The following GGA2 variants were observed in gnomAD, a reference collection of about 807,000 sequenced individuals.
GGA2 encodes the protein ADP-ribosylation factor-binding protein GGA2.
A neutral mutation model predicts 79.5 loss-of-function variants in GGA2; 48 were observed. The observed-to-expected ratio is 0.60, with a 90% CI of 0.48 to 0.77. GGA2 has a LOEUF of 0.77. Ranked by LOEUF, GGA2 falls within the 30% of genes least tolerant of loss-of-function variation. The pLI, the probability that GGA2 is intolerant of heterozygous loss-of-function variation, is 0.00. For synonymous variants in GGA2, 317 were observed against 302.0 expected (o/e 1.05, Z -0.51); for missense variants, 770 against 774.0 (o/e 0.99, Z 0.06).
intron 3 of GGA2, chr16:23,493,744 A>T (rs529848727): frequency 2.6e-6 from 1 of 377,972 alleles, no homozygotes; most frequent in Non-Finnish European, 4.9e-6. Flanking sequence ...CTTTGAGAGG[A>T]GAAAGTGGCT....
upstream of GGA2, among the ~76,000 whole-genome samples, chr16:23,513,349 C>T (rs1240576033): frequency 6.6e-6 from 1 of 152,194 alleles, no homozygotes; most frequent in Non-Finnish European, 1.5e-5. Flanking sequence ...CGTCTTTCTT[C>T]TCCCAAGGCA....
chr16:23,494,137 G>C (rs1964824543), intron 3 of GGA2, 166 bp downstream of exon 3: 2 of 620,294 alleles, frequency 3.2e-6, no homozygotes, highest in Non-Finnish European at 5.8e-6. Context: ...AGGAAGAAGG[G>C]TGGGGACCCT....
Position 23,491,744 on chromosome 16 carries a change from GAA to G in GGA2, c.406_407del (p.Phe136GlnfsTer30). On this transcript the variant is annotated frameshift_variant, in exon 5 of 17. Transcript: ENST00000309859. LOFTEE classifies it high-confidence loss of function. Reference protein sequence around the residue: ...KVKGRVIEILFSWTVWFPEDI... With the variant: ...KVKGRVIEILXSWTVWFPEDI... The stretch of plus-strand genomic sequence containing the variant: ...CTTCCGGAAACCAGACTGTCCAACT[GAA>G]GAGTATTTCAATGACTCTTCCTTTA... 2 of 1,611,180 alleles carry G rather than the reference GAA, an allele frequency of 1.2e-6. No homozygotes were observed. Among genetic ancestry groups the G allele is most frequent in the Non-Finnish European group, 1.7e-6 (2 of 1,177,340 alleles).
chr16:23,485,140 A>G (rs970627286), intron 8 of GGA2, among the ~76,000 whole-genome samples: 3 of 152,216 alleles, frequency 2.0e-5, no homozygotes, highest in Non-Finnish European at 4.4e-5. Context: ...ACGAAAGCCC[A>G]CGTATTGTGC....
chr16:23,522,940 T>C (rs1965163691), upstream of GGA2: 1 of 152,172 alleles, frequency 6.6e-6, no homozygotes, highest in Admixed American at 6.6e-5. Context: ...TCCCTTGTCA[T>C]GTGGAGCACT....
Position 23,493,458 on chromosome 16 carries a change from C to A in GGA2, c.253G>T (p.Val85Leu). 1.3e-6 allele frequency: 2 copies of A among 1,595,740 alleles called. No individual in the cohort carries two copies. Among genetic ancestry groups the A allele is most frequent in the Non-Finnish European group, 1.7e-6 (2 of 1,163,216 alleles). Residue 85 changes from valine to leucine, a missense_variant and splice_region_variant, in exon 4 of 17, where the codon GTG becomes TTG. Coordinates refer to ENST00000309859, the MANE Select transcript of GGA2 (RefSeq NM_015044.4). ...QEKEALYALT[V>L]LEMCMNHCGE... ...CAGTGGTTCATGCACATCTCCAGCA[C>A]CTGCACAGACACAGGACCCCCAGGA...
chr16:23,483,887 T>C (rs1267025273), intron 8 of GGA2, among the ~76,000 whole-genome samples: 1 of 150,006 alleles, frequency 6.7e-6, no homozygotes, highest in East Asian at 2.0e-4. Context: ...ACTCAGGTCA[T>C]CCGCCTGCCT....
chr16:23,492,233 G>A (rs911466940), intron 4 of GGA2, among the ~76,000 whole-genome samples: 7 of 152,198 alleles, frequency 4.6e-5, no homozygotes, highest in African/African-American at 1.7e-4. Flanking sequence ...TACAGTGAGT[G>A]CCTAGAGAGC....
chr16:23,504,699 G>A (rs1411541645), intron 1 of GGA2, among the ~76,000 whole-genome samples: 2 of 152,204 alleles, frequency 1.3e-5, no homozygotes, highest in Middle Eastern at 6.3e-3. Context: ...GGCCAGACAG[G>A]GCACGGCCAG....
intron 1 of GGA2, among the ~76,000 whole-genome samples, chr16:23,505,423 C>T (rs757394655): frequency 7.2e-5 from 11 of 152,112 alleles, no homozygotes; most frequent in African/African-American, 2.7e-4. Context: ...ACCCATACAA[C>T]GGGGCGTCTA....
intron 4 of GGA2, among the ~76,000 whole-genome samples, 182 bp downstream of exon 4, chr16:23,493,177 AG>A (rs1428702367): frequency 1.2e-4 from 18 of 152,184 alleles, no homozygotes; most frequent in Non-Finnish European, 2.6e-4. Context: ...GCTAACAGTG[AG>A]GGGCAGGGGT....
intron 1 of GGA2, among the ~76,000 whole-genome samples, chr16:23,521,053 A>G (rs1266394717): frequency 2.0e-5 from 3 of 152,144 alleles, no homozygotes; most frequent in Non-Finnish European, 4.4e-5. Context: ...TGGCCTCCCA[A>G]AATGTTGGGA....
At chr16:23,481,644 G>A (rs1964649768) in intron 9 of GGA2, among the ~76,000 whole-genome samples, 2 of 152,006 alleles carry the variant, frequency 1.3e-5, no homozygotes, top group African/African-American at 2.4e-5. Context: ...GTGGTGGTGC[G>A]CAACTGTAGT....
At chr16:23,482,830 C>A (rs1341382018) in intron 9 of GGA2, 93 bp downstream of exon 9, 5 of 828,096 alleles carry the variant, frequency 6.0e-6, no homozygotes, top group Admixed American at 1.8e-5. Flanking sequence ...CGAAAGTCCA[C>A]TCTGTCTTGT....
intron 13 of GGA2, among the ~76,000 whole-genome samples, chr16:23,475,974 C>T (rs927303323): frequency 6.6e-6 from 1 of 151,844 alleles, no homozygotes; most frequent in African/African-American, 2.4e-5. Context: ...AATGTCCACA[C>T]ATAATAAGAA....
At chr16:23,513,356 G>A (rs910702033), upstream of GGA2, among the ~76,000 whole-genome samples, 2 of 152,106 alleles carry the variant, frequency 1.3e-5, no homozygotes, top group African/African-American at 4.8e-5. Context: ...CTTCTCCCAA[G>A]GCAAGCCACA....
rs754964377 is a variant in GGA2, at chr16:23,479,834, C to A, written c.1060G>T (p.Val354Leu). ...MKTCPLIDLE[V>L]DNGPAQMGTV... ...CCCATCTGCGCAGGTCCATTGTCCA[C>A]CTCCAAGTCAATCAGGGGGCAGGTC... The change falls in exon 11 of 17, where the codon GTG (valine) becomes TTG (leucine). Residue 354 changes from valine to leucine, a missense_variant. Transcript: ENST00000309859. 9 of 1,614,006 alleles carry A rather than the reference C, an allele frequency of 5.6e-6. No individual in the cohort carries two copies. Among genetic ancestry groups the A allele is most frequent in the Non-Finnish European group, 6.8e-6 (8 of 1,179,984 alleles).
At chr16:23,489,080 G>C (rs144674940) in intron 5 of GGA2, among the ~76,000 whole-genome samples, 12 of 152,268 alleles carry the variant, frequency 7.9e-5, no homozygotes, top group Middle Eastern at 6.8e-3. Context: ...GTATGTGACA[G>C]GGAACAACAG....
At chr16:23,491,530 TAAAAAA>T in intron 5 of GGA2, 141 bp downstream of exon 5, 1 of 299,196 alleles carries the variant, frequency 3.3e-6, no homozygotes, top group Non-Finnish European at 5.9e-6. Flanking sequence ...ATTTATTGCG[TAAAAAA>T]AAAAAAAAAA....
Sources: gnomAD v4.1 joint callset for allele counts (sites outside exome capture counted in the v4.1 genomes callset) on GRCh38, gnomAD v4.1.1 for gene constraint, MANE v1.5 for transcripts, NCBI Gene and HGNC (gene_info 2026-07-23, HGNC 2026-07-21) for gene names.